OSBPL9: variants seen among roughly 807,000 people sequenced by gnomAD.
The protein encoded by OSBPL9 is oxysterol-binding protein-related protein 9.
Under a neutral mutation model 106.6 loss-of-function variants are expected in OSBPL9, and 40 were observed. The observed-to-expected ratio is 0.38, with a 90% confidence interval of 0.29 to 0.49. OSBPL9 has a LOEUF of 0.49. Ranked by LOEUF, OSBPL9 falls within the 20% of genes least tolerant of loss-of-function variation. The pLI, the probability that OSBPL9 is intolerant of heterozygous loss-of-function variation, is 0.97. For synonymous variants in OSBPL9, 269 were observed against 295.4 expected (o/e 0.91, Z 0.92); for missense variants, 609 against 887.2 (o/e 0.69, Z 3.98).
chr1:51,613,635 G>A (rs1232295722), upstream of OSBPL9, among the ~76,000 whole-genome samples: 1 of 151,920 alleles, frequency 6.6e-6, no homozygotes, highest in African/African-American at 2.4e-5. Context: ...AAAAGAAACA[G>A]AAATGGCTTT....
chr1:51,617,996 T>TTG (rs58221259), intron 1 of OSBPL9, among the ~76,000 whole-genome samples: 22,433 of 145,624 alleles, frequency 0.15, 1,707 homozygotes, highest in Non-Finnish European at 0.19. Flanking sequence ...TCTTACGTGG[T>TTG]TGTGTGTGTG....
At chr1:51,787,280 A>G (rs1557882439) in intron 22 of OSBPL9, 73 bp from the exon 23 acceptor site, 1 of 1,455,508 alleles carries the variant, frequency 6.9e-7, no homozygotes, top group Non-Finnish European at 9.6e-7. Flanking sequence ...TTTGACTTGT[A>G]TTATACTATA....
the OSBPL9 span, among the ~76,000 whole-genome samples, chr1:51,535,736 T>C: frequency 1.3e-5 from 2 of 151,962 alleles, no homozygotes; most frequent in East Asian, 3.9e-4. Context: ...TTTATATTTT[T>C]AGTAGAGACA....
At chr1:51,622,484 G>A (rs372526659) in intron 1 of OSBPL9, among the ~76,000 whole-genome samples, 37 of 152,270 alleles carry the variant, frequency 2.4e-4, no homozygotes, top group South Asian at 1.0e-3. Context: ...CATAGTTTTC[G>A]TGGGTCAGAA....
intron 2 of OSBPL9, among the ~76,000 whole-genome samples, chr1:51,608,016 C>T (rs1643960768): frequency 6.6e-6 from 1 of 152,238 alleles, no homozygotes; most frequent in South Asian, 2.1e-4. Context: ...CGCATGCACA[C>T]TGGCCTGCCA....
At chr1:51,766,446 G>T (rs1672573720) in intron 12 of OSBPL9, among the ~76,000 whole-genome samples, 1 of 152,124 alleles carries the variant, frequency 6.6e-6, no homozygotes, top group Non-Finnish European at 1.5e-5. Flanking sequence ...TGATATCAAG[G>T]TTACAAAGAT....
At chr1:51,776,742 G>A (rs1675164555) in intron 14 of OSBPL9, 91 bp from the exon 15 acceptor site, 4 of 810,012 alleles carry the variant, frequency 4.9e-6, no homozygotes, top group Non-Finnish European at 8.0e-6. Context: ...TGAATGAGGT[G>A]GTGTTTTGTT....
At chr1:51,763,783 C>G (rs1672021794) in intron 11 of OSBPL9, among the ~76,000 whole-genome samples, 1 of 152,116 alleles carries the variant, frequency 6.6e-6, no homozygotes, top group Non-Finnish European at 1.5e-5. Context: ...TCTGTATTTC[C>G]TGAGCTGTGT....
chr1:51,710,947 C>T (rs534979850), intron 3 of OSBPL9, among the ~76,000 whole-genome samples: 2 of 152,030 alleles, frequency 1.3e-5, no homozygotes, highest in Non-Finnish European at 2.9e-5. Context: ...GTGCCATGCT[C>T]TCTTTTGTCT....
the OSBPL9 span, among the ~76,000 whole-genome samples, chr1:51,530,176 A>AAAAAAAAAAAAAAAAAAAAC: frequency 1.9e-5 from 2 of 107,706 alleles, no homozygotes; most frequent in African/African-American, 4.1e-5. Flanking sequence ...GTCTCAAAAA[A>AAAAAAAAAAAAAAAAAAAAC]AAAAAAAAAA....
At position 51,776,820 on chromosome 1, in the gene OSBPL9, G is replaced by A. The variant is rs748722476; in HGVS notation, c.1171-13G>A. ...AATTTGATCTTCAAGGGTCAAATGT[G>A]TATGTTTTTCAGGTAGTTCTTCCAA... is the stretch of plus-strand genomic sequence containing the variant. On this transcript the variant is annotated splice_polypyrimidine_tract_variant and intron_variant, in intron 14 of 23. Coordinates refer to ENST00000428468, the MANE Select transcript of OSBPL9 (RefSeq NM_024586.6). 13 of 1,540,262 alleles carry A rather than the reference G, an allele frequency of 8.4e-6. No individual in the cohort carries two copies. In the South Asian group the frequency reaches 1.1e-4, roughly 13 times the overall value.
chr1:51,786,053 CTT>C, intron 21 of OSBPL9, 167 bp downstream of exon 21: 1 of 609,462 alleles, frequency 1.6e-6, no homozygotes, highest in South Asian at 1.9e-5. Context: ...TCAGGGCAAG[CTT>C]TTTCTTTCCT....
chr1:51,757,018 A>G (rs1382468465), intron 9 of OSBPL9: 2 of 152,250 alleles, frequency 1.3e-5, no homozygotes, highest in East Asian at 1.9e-4. Context: ...TGCTTACCCT[A>G]GTTTTATGGT....
At chr1:51,565,023 T>C in the OSBPL9 span, among the ~76,000 whole-genome samples, 1 of 152,190 alleles carries the variant, frequency 6.6e-6, no homozygotes, top group African/African-American at 2.4e-5. Flanking sequence ...TCTGCCTTAA[T>C]TCCCTTACTA....
chr1:51,602,701 C>T (rs1645330494), intron 2 of OSBPL9, among the ~76,000 whole-genome samples: 2 of 152,268 alleles, frequency 1.3e-5, no homozygotes, highest in South Asian at 2.1e-4. Flanking sequence ...CCGCCTCTGC[C>T]TCCCAAACTG....
At chr1:51,605,959 C>A (rs143057734) in intron 2 of OSBPL9, among the ~76,000 whole-genome samples, 1 of 149,440 alleles carries the variant, frequency 6.7e-6, no homozygotes, top group East Asian at 2.0e-4. Flanking sequence ...AGCTAGACTC[C>A]GTCTCAAAAG....
intron 1 of OSBPL9, among the ~76,000 whole-genome samples, chr1:51,595,193 C>A (rs964184497): frequency 6.6e-6 from 1 of 152,124 alleles, no homozygotes; most frequent in African/African-American, 2.4e-5. Context: ...TGGGGGCCAA[C>A]CAGGTGTTAA....
intron 2 of OSBPL9, among the ~76,000 whole-genome samples, chr1:51,604,468 A>G (rs1227721234): frequency 2.0e-5 from 3 of 151,716 alleles, no homozygotes; most frequent in African/African-American, 7.3e-5. Flanking sequence ...AGGCAGGAGA[A>G]TCACTTGAAC....
At chr1:51,525,842 T>C in the OSBPL9 span, among the ~76,000 whole-genome samples, 1 of 152,188 alleles carries the variant, frequency 6.6e-6, no homozygotes, top group Non-Finnish European at 1.5e-5. Flanking sequence ...TTTGAACTCC[T>C]GGGCTTAAGC....
Sources: allele counts gnomAD v4.1 joint callset (sites outside exome capture counted in the v4.1 genomes callset), GRCh38; gene constraint gnomAD v4.1.1; transcripts MANE v1.5; gene names NCBI Gene and HGNC (gene_info 2026-07-23, HGNC 2026-07-21).